The following CSNK1G2 variants were observed in gnomAD, a reference collection of about 807,000 sequenced individuals.
CSNK1G2 encodes casein kinase I isoform gamma-2.
Under a neutral mutation model 48.0 loss-of-function variants are expected in CSNK1G2, and 11 were observed. The observed-to-expected ratio is 0.23, with a 90% CI of 0.14 to 0.38. The LOEUF (loss-of-function observed/expected upper bound fraction) is 0.38, where lower values mean the gene tolerates loss of function less well. CSNK1G2 is among the 10% of genes least tolerant of loss of function. The pLI is 1.00. For missense variants in CSNK1G2, 446 were observed against 595.5 expected (o/e 0.75, Z 2.61); for synonymous variants, 337 against 254.1 (o/e 1.33, Z -3.10).
chr19:1,950,580 T>C (rs943443739), intron 1 of CSNK1G2, among the ~76,000 whole-genome samples: 3 of 146,682 alleles, frequency 2.0e-5, no homozygotes, highest in African/African-American at 7.8e-5. Context: ...GAGAAAATTG[T>C]CTGAGGCCTC....
At chr19:1,949,260 T>G (rs1223815707) in intron 1 of CSNK1G2, among the ~76,000 whole-genome samples, 1 of 152,012 alleles carries the variant, frequency 6.6e-6, no homozygotes, top group Admixed American at 6.5e-5. Context: ...TCCAGAACCT[T>G]CCCACCTTCC....
At chr19:1,970,451 C>T (rs1213175060) in intron 2 of CSNK1G2, among the ~76,000 whole-genome samples, 1 of 152,230 alleles carries the variant, frequency 6.6e-6, no homozygotes, top group South Asian at 2.1e-4. Context: ...CCGCACCTGG[C>T]CCACCTGGCT....
chr19:1,979,922 C>T lies in CSNK1G2; in HGVS notation c.1098C>T (p.Ser366=). The T allele has an allele frequency of 1.2e-6, 2 of 1,606,618 alleles. No individual in the cohort carries two copies. Among genetic ancestry groups the T allele is most frequent in the Non-Finnish European group, 1.7e-6 (2 of 1,176,602 alleles). The part of the protein sequence containing the change: ...QPHSKNQALN[S]TNGELNADDP... ...ACTGCCCCCACCAGGCGTTGAACTCCACCAACGGGGAGCTGAATGCGGACG... is the reference window on the plus strand; with the variant it reads ...ACTGCCCCCACCAGGCGTTGAACTCTACCAACGGGGAGCTGAATGCGGACG... The change falls in exon 11 of 12, where the codon TCC becomes TCT. Residue 366 remains serine, a synonymous_variant. Transcript: ENST00000255641.
intron 2 of CSNK1G2, among the ~76,000 whole-genome samples, chr19:1,971,625 C>T (rs2015573567): frequency 6.6e-6 from 1 of 152,234 alleles, no homozygotes; most frequent in Non-Finnish European, 1.5e-5. Flanking sequence ...ATGCCTGGCA[C>T]AGCCCCGTGA....
In CSNK1G2 at chr19:1,980,461, CAAG is replaced by C; in HGVS notation, c.*259_*261del. On this transcript the variant is annotated 3_prime_UTR_variant, in exon 12 of 12. Transcript: ENST00000255641. Reference sequence around the variant, plus strand: ...CTCCAAGAGCATTAACTATTTAAAACAAGGAAAAGAGGAAAAAAAAAACAGAGG... The same window carrying C: ...CTCCAAGAGCATTAACTATTTAAAACGAAAAGAGGAAAAAAAAAACAGAGG... The C allele has an allele frequency of 1.8e-6, 1 of 544,328 alleles. No homozygotes were observed. The highest frequency in any genetic ancestry group is 2.1e-5 in the South Asian group (1 of 47,224). The allele number at this position is 544,328 out of a possible 1,614,324, so 33.7% of individuals were successfully genotyped here. A position where few individuals can be genotyped will look rare whatever the true frequency, so the allele number is the denominator to read the frequency against.
chr19:1,949,479 C>T (rs886595312), intron 1 of CSNK1G2, among the ~76,000 whole-genome samples: 3 of 152,240 alleles, frequency 2.0e-5, no homozygotes, highest in African/African-American at 4.8e-5. Context: ...GTCCGAGTCT[C>T]GCTCCTGTTC....
At chr19:1,953,768 GC>G in intron 1 of CSNK1G2, 2 of 459,254 alleles carry the variant, frequency 4.4e-6, no homozygotes. Context: ...GTGCAGCCTT[GC>G]CCCCTCCCCC....
At chr19:1,972,857 C>T (rs1199930577) in intron 2 of CSNK1G2, among the ~76,000 whole-genome samples, 2 of 151,646 alleles carry the variant, frequency 1.3e-5, no homozygotes, top group Non-Finnish European at 2.9e-5. Flanking sequence ...CTCCTGACCT[C>T]AGGTGATCCA....
At chr19:1,960,550 T>C (rs1326143326) in intron 1 of CSNK1G2, among the ~76,000 whole-genome samples, 2 of 152,180 alleles carry the variant, frequency 1.3e-5, no homozygotes, top group African/African-American at 4.8e-5. Context: ...TCCGTGTGTG[T>C]GTCTGTGTAC....
intron 2 of CSNK1G2, among the ~76,000 whole-genome samples, chr19:1,973,736 T>C (rs1339842305): frequency 2.0e-5 from 3 of 152,242 alleles, no homozygotes; most frequent in African/African-American, 7.2e-5. Flanking sequence ...CGGTTTCGTC[T>C]GATTGTCCAT....
chr19:1,969,729 A>G lies in CSNK1G2; in HGVS notation c.-44A>G, dbSNP rs764871800. Reference sequence around the variant, plus strand: ...AGGTTTCCAGAGACTTGGGATTTGCACGGCAGCAGAGTCACCGTGGAGAGG... The same window carrying G: ...AGGTTTCCAGAGACTTGGGATTTGCGCGGCAGCAGAGTCACCGTGGAGAGG... On this transcript the variant is annotated 5_prime_UTR_variant, in exon 2 of 12. Transcript: ENST00000255641. The G allele has an allele frequency of 1.1e-5, 14 of 1,254,328 alleles. No homozygotes were observed. Among genetic ancestry groups the G allele is most frequent in the Middle Eastern group, 2.5e-4 (1 of 4,032 alleles). 77.7% of individuals were successfully genotyped at this position (1,254,328 alleles called of 1,614,324 possible). A position where few individuals can be genotyped will look rare whatever the true frequency, so the allele number is the denominator to read the frequency against.
chr19:1,952,741 C>T (rs533227816), intron 1 of CSNK1G2: 8 of 287,006 alleles, frequency 2.8e-5, no homozygotes, highest in East Asian at 3.3e-4. Flanking sequence ...GGAGCTGAGT[C>T]GTGCGGGACT....
At chr19:1,952,881 A>G (rs1477919466) in intron 1 of CSNK1G2, 1 of 441,200 alleles carries the variant, frequency 2.3e-6, no homozygotes, top group Admixed American at 3.4e-5. Context: ...GGGGATCATC[A>G]CAGAGGCAGG....
At chr19:1,947,947 C>T (rs187266302) in intron 1 of CSNK1G2, among the ~76,000 whole-genome samples, 10 of 79,182 alleles carry the variant, frequency 1.3e-4, no homozygotes, top group East Asian at 8.5e-4. Flanking sequence ...TCCTGGGGCC[C>T]CCATGAGTCA....
intron 9 of CSNK1G2, 31 bp downstream of exon 9, chr19:1,979,674 G>A (rs375847481): frequency 5.6e-6 from 9 of 1,601,222 alleles, no homozygotes; most frequent in Non-Finnish European, 7.6e-6. Context: ...ATGTGGGAGC[G>A]GGGGACCGGG....
intron 1 of CSNK1G2, chr19:1,954,164 G>C (rs2014894878): frequency 2.4e-6 from 1 of 417,142 alleles, no homozygotes; most frequent in Non-Finnish European, 4.8e-6. Flanking sequence ...GCCTGAGGTT[G>C]GTTTGTCCTG....
intron 1 of CSNK1G2, chr19:1,953,440 A>C (rs148477867): frequency 1.9e-6 from 1 of 534,500 alleles, no homozygotes; most frequent in South Asian, 1.4e-5. Context: ...AGATGTGTCC[A>C]CTTTGCTTTT....
chr19:1,959,361 G>C (rs2015112398), intron 1 of CSNK1G2: 1 of 152,676 alleles, frequency 6.5e-6, no homozygotes, highest in Non-Finnish European at 1.5e-5. Context: ...CTCACAGAGA[G>C]GGTGGGTGTG....
At chr19:1,947,416 G>A (rs1347392899) in intron 1 of CSNK1G2, among the ~76,000 whole-genome samples, 1 of 152,260 alleles carries the variant, frequency 6.6e-6, no homozygotes, top group Non-Finnish European at 1.5e-5. Flanking sequence ...AAAGATGGCA[G>A]GCGTGCGAGG....
Sources: allele counts gnomAD v4.1 joint callset (sites outside exome capture counted in the v4.1 genomes callset), GRCh38; gene constraint gnomAD v4.1.1; transcripts MANE v1.5; gene names NCBI Gene and HGNC (gene_info 2026-07-23, HGNC 2026-07-21).